Variants in TYR observed in about 807,000 individuals in gnomAD.
The protein encoded by TYR is tyrosinase.
Under a neutral mutation model 51.5 loss-of-function variants are expected in TYR, and 58 were observed. The ratio of observed to expected loss-of-function variants is 1.13; its 90% confidence interval spans 0.91 to 1.40. The LOEUF (loss-of-function observed/expected upper bound fraction) is 1.40, where lower values mean the gene tolerates loss of function less well. Ranked by LOEUF, TYR falls within the 40% of genes most tolerant of loss-of-function variation. The pLI is 0.00. For missense variants in TYR, 732 were observed against 647.4 expected, an observed-to-expected ratio of 1.13 and a Z score of -1.42; for synonymous variants, 263 against 235.2, an observed-to-expected ratio of 1.12 and a Z score of -1.08.
intron 4 of TYR, among the ~76,000 whole-genome samples, chr11:89,292,888 CA>C (rs1944865962): frequency 3.3e-5 from 5 of 152,084 alleles, no homozygotes; most frequent in South Asian, 4.1e-4. Context: ...ACCTTTTAGT[CA>C]GTATAGCACA....
intron 1 of TYR, among the ~76,000 whole-genome samples, chr11:89,179,026 G>A (rs75531538): frequency 3.3e-4 from 50 of 152,192 alleles, no homozygotes; most frequent in African/African-American, 1.2e-3. Context: ...ATTCATTATT[G>A]CATTTCCCAG....
chr11:89,191,203 TTGTC>T lies in TYR; in HGVS notation c.825_828del (p.Cys276AlafsTer42), dbSNP rs2135253045. 5.6e-6 allele frequency: 9 copies of T among 1,613,388 alleles called. No individual in the cohort carries two copies. Among genetic ancestry groups the T allele is most frequent in the Non-Finnish European group, 6.8e-6 (8 of 1,179,584 alleles). ...TTAACATGAGGGTGTTTTGTACAGA[TTGTC>T]TGTAGCCGATTGGAGGAGTACAACA... is the stretch of plus-strand genomic sequence containing the variant. On this transcript the variant is annotated frameshift_variant and splice_region_variant, in exon 2 of 5. Transcript: ENST00000263321. LOFTEE classifies it high-confidence loss of function.
chr11:89,250,795 A>G (rs1944323396), intron 3 of TYR, among the ~76,000 whole-genome samples: 1 of 151,920 alleles, frequency 6.6e-6, no homozygotes, highest in South Asian at 2.1e-4. Context: ...ATACACTCAC[A>G]TTCTGAGGTA....
intron 2 of TYR, among the ~76,000 whole-genome samples, chr11:89,192,687 T>C (rs942267674): frequency 6.6e-6 from 1 of 152,118 alleles, no homozygotes; most frequent in Non-Finnish European, 1.5e-5. Flanking sequence ...GCTATGAAAA[T>C]AGAAATTAGG....
intron 3 of TYR, among the ~76,000 whole-genome samples, chr11:89,282,662 G>T (rs1944732832): frequency 6.6e-6 from 1 of 151,688 alleles, no homozygotes; most frequent in Non-Finnish European, 1.5e-5. Context: ...AATAAAATTT[G>T]GGGTTTATTG....
At chr11:89,236,390 C>T (rs1053588228) in intron 3 of TYR, among the ~76,000 whole-genome samples, 3 of 152,160 alleles carry the variant, frequency 2.0e-5, no homozygotes, top group Admixed American at 2.0e-4. Context: ...TGTGAAAAGC[C>T]ACTCTGCAAC....
chr11:89,249,740 C>A (rs1944309874), intron 3 of TYR, among the ~76,000 whole-genome samples: 2 of 151,902 alleles, frequency 1.3e-5, no homozygotes, highest in Non-Finnish European at 2.9e-5. Context: ...TTTGAGATTT[C>A]CTTTTTAAGA....
At chr11:89,220,348 C>A (rs1194736829) in intron 2 of TYR, among the ~76,000 whole-genome samples, 1 of 152,118 alleles carries the variant, frequency 6.6e-6, no homozygotes, top group Non-Finnish European at 1.5e-5. Flanking sequence ...TGCGAGAACT[C>A]ACTCACTATT....
At chr11:89,251,498 A>G (rs913967891) in intron 3 of TYR, among the ~76,000 whole-genome samples, 5 of 151,942 alleles carry the variant, frequency 3.3e-5, no homozygotes, top group Non-Finnish European at 7.4e-5. Flanking sequence ...TAGAATAACA[A>G]TAAGGATAAG....
rs1944880010 is a variant in TYR, at chr11:89,294,171, T to C, written c.1367-972T>C. Reference sequence around the variant, plus strand: ...TGCTCCACCTTCCCTTTTGCTGTAATTCGATCCAGTAGTTTTTCCACAAAT... The same window carrying C: ...TGCTCCACCTTCCCTTTTGCTGTAACTCGATCCAGTAGTTTTTCCACAAAT... On this transcript the variant is annotated intron_variant, in intron 4 of 4. Transcript: ENST00000263321. 2 of 153,716 alleles carry C rather than the reference T, an allele frequency of 1.3e-5. 1 individual carries two copies. The highest frequency in any genetic ancestry group is 4.0e-4 in the South Asian group (2 of 4,948). The allele number at this position is 153,716 out of a possible 1,614,324, so 9.5% of individuals were successfully genotyped here.
intron 2 of TYR, among the ~76,000 whole-genome samples, chr11:89,207,351 A>G (rs183595697): frequency 2.6e-5 from 4 of 152,332 alleles, no homozygotes; most frequent in East Asian, 3.9e-4. Context: ...CTCTATGTAC[A>G]TAACATTTGA....
At chr11:89,269,562 G>C (rs534435149) in intron 3 of TYR, among the ~76,000 whole-genome samples, 1 of 151,830 alleles carries the variant, frequency 6.6e-6, no homozygotes, top group Admixed American at 6.6e-5. Flanking sequence ...GTTTCTCCAA[G>C]TTTCATCATT....
chr11:89,195,691 T>C (rs1330563455), intron 2 of TYR, among the ~76,000 whole-genome samples: 1 of 145,042 alleles, frequency 6.9e-6, no homozygotes, highest in Non-Finnish European at 1.5e-5. Context: ...AATAAATAAA[T>C]AAAAATAAAA....
chr11:89,227,281 G>C (rs143742100), intron 2 of TYR, among the ~76,000 whole-genome samples: 170 of 152,198 alleles, frequency 1.1e-3, no homozygotes, highest in African/African-American at 3.9e-3. Context: ...TTTTTGAAAT[G>C]AATGTTTTGT....
chr11:89,279,895 C>T (rs1279835753), intron 3 of TYR, among the ~76,000 whole-genome samples: 2 of 151,712 alleles, frequency 1.3e-5, no homozygotes, highest in Non-Finnish European at 3.0e-5. Context: ...ACCTTCAAGA[C>T]AGAGTATCTA....
intron 3 of TYR, among the ~76,000 whole-genome samples, chr11:89,270,209 C>T (rs1229479958): frequency 6.6e-6 from 1 of 151,838 alleles, no homozygotes; most frequent in Admixed American, 6.6e-5. Context: ...AAGCGTAATT[C>T]TTTTCCTTCA....
chr11:89,277,725 G>T (rs1944672831), intron 3 of TYR, among the ~76,000 whole-genome samples: 1 of 151,686 alleles, frequency 6.6e-6, no homozygotes, highest in Non-Finnish European at 1.5e-5. Flanking sequence ...AGAAAAGTAG[G>T]CATTTTCTGT....
chr11:89,283,748 C>T (rs1168082374), intron 3 of TYR: 1 of 151,824 alleles, frequency 6.6e-6, no homozygotes, highest in East Asian at 1.9e-4. Flanking sequence ...TAATGGCTCT[C>T]TATAAATTAC....
intron 2 of TYR, among the ~76,000 whole-genome samples, chr11:89,192,709 A>G (rs1943462094): frequency 6.6e-6 from 1 of 152,158 alleles, no homozygotes; most frequent in East Asian, 1.9e-4. Flanking sequence ...TTATTCTTCT[A>G]TGGTAATATT....
Sources: gnomAD v4.1 joint callset for allele counts (sites outside exome capture counted in the v4.1 genomes callset) on GRCh38, gnomAD v4.1.1 for gene constraint, MANE v1.5 for transcripts, NCBI Gene and HGNC (gene_info 2026-07-23, HGNC 2026-07-21) for gene names.